The following BLTP3B variants were observed in gnomAD, a reference collection of about 807,000 sequenced individuals.
BLTP3B encodes the protein UHRF1 (ICBP90) binding protein 1-like.
the BLTP3B span, among the ~76,000 whole-genome samples, chr12:100,061,525 C>T: frequency 1.3e-5 from 2 of 151,876 alleles, no homozygotes; most frequent in Non-Finnish European, 2.9e-5. Context: ...GGCGTGGTGG[C>T]GGGCGCCTGT....
At chr12:100,096,817 A>G in the BLTP3B span, among the ~76,000 whole-genome samples, 2 of 151,752 alleles carry the variant, frequency 1.3e-5, no homozygotes, top group South Asian at 2.1e-4. Context: ...CAAGACCCCA[A>G]CTCCAAAAAT....
the BLTP3B span, among the ~76,000 whole-genome samples, chr12:100,063,647 G>A: frequency 2.6e-5 from 4 of 151,218 alleles, no homozygotes; most frequent in African/African-American, 4.9e-5. Flanking sequence ...CGAAGGTTGC[G>A]GTAAGCCTAG....
At chr12:100,124,969 TATATATA>T in the BLTP3B span, among the ~76,000 whole-genome samples, 2 of 115,816 alleles carry the variant, frequency 1.7e-5, no homozygotes, top group African/African-American at 6.7e-5. Flanking sequence ...TATATATATA[TATATATA>T]TATTTATATT....
At chr12:100,128,512 A>G in the BLTP3B span, 13 of 1,064,746 alleles carry the variant, frequency 1.2e-5, no homozygotes, top group African/African-American at 2.0e-4. Context: ...ATCTTTATGC[A>G]GGGCATATTA....
chr12:100,121,693 G>C, the BLTP3B span, among the ~76,000 whole-genome samples: 12 of 152,068 alleles, frequency 7.9e-5, no homozygotes, highest in African/African-American at 2.9e-4. Flanking sequence ...AGCGGGCGTG[G>C]TGGCGCCCGC....
At chr12:100,052,800 T>G in the BLTP3B span, among the ~76,000 whole-genome samples, 2 of 148,314 alleles carry the variant, frequency 1.3e-5, no homozygotes, top group Non-Finnish European at 3.0e-5. Flanking sequence ...GTTTTTTTTT[T>G]TTTTTTTTTT....
At chr12:100,059,473 T>A in the BLTP3B span, 1 of 1,612,718 alleles carries the variant, frequency 6.2e-7, no homozygotes, top group Admixed American at 1.7e-5. Context: ...GAACTCTGAA[T>A]AGAAATTGCA....
chr12:100,098,545 G>A, the BLTP3B span: 1 of 1,597,782 alleles, frequency 6.3e-7, no homozygotes, highest in Non-Finnish European at 8.5e-7. Flanking sequence ...GTATTCACTG[G>A]AAAAACAAAG....
At chr12:100,121,263 T>C in the BLTP3B span, among the ~76,000 whole-genome samples, 2 of 149,914 alleles carry the variant, frequency 1.3e-5, no homozygotes, top group Non-Finnish European at 3.0e-5. Context: ...GGCAGGAAAA[T>C]TACTTGAACC....
chr12:100,037,547 A>G, the BLTP3B span: 2 of 1,548,952 alleles, frequency 1.3e-6, no homozygotes, highest in South Asian at 2.5e-5. Flanking sequence ...TCATGAAAAT[A>G]AAAGTCTTCC....
the BLTP3B span, among the ~76,000 whole-genome samples, chr12:100,085,794 C>T: frequency 1.3e-5 from 2 of 151,860 alleles, no homozygotes; most frequent in South Asian, 2.1e-4. Flanking sequence ...AAGAATCTAC[C>T]AATACCAGAT....
the BLTP3B span, among the ~76,000 whole-genome samples, chr12:100,124,936 T>TTATATATATATATATATA: frequency 1.1e-3 from 63 of 56,492 alleles, no homozygotes; most frequent in East Asian, 4.4e-3. Context: ...AAAAAAAATT[T>TTATATATATATATATATA]TATATATATA....
chr12:100,040,780 A>G, the BLTP3B span, among the ~76,000 whole-genome samples: 1 of 152,222 alleles, frequency 6.6e-6, no homozygotes, highest in Non-Finnish European at 1.5e-5. Flanking sequence ...TAGCCTCAAG[A>G]AGACAATGTC....
the BLTP3B span, among the ~76,000 whole-genome samples, chr12:100,133,295 C>A: frequency 6.6e-6 from 1 of 152,030 alleles, no homozygotes; most frequent in Non-Finnish European, 1.5e-5. Context: ...AAATAAATTA[C>A]CCAGCCCCAT....
the BLTP3B span, among the ~76,000 whole-genome samples, chr12:100,093,726 A>T: frequency 6.6e-6 from 1 of 152,216 alleles, no homozygotes; most frequent in South Asian, 2.1e-4. Context: ...GAAAGAATAC[A>T]CATCAAGGTG....
chr12:100,071,347 A>G, the BLTP3B span, among the ~76,000 whole-genome samples: 1 of 151,964 alleles, frequency 6.6e-6, no homozygotes, highest in Non-Finnish European at 1.5e-5. Flanking sequence ...AAACACAAAA[A>G]TTAGCCGGGA....
the BLTP3B span, chr12:100,037,777 G>A: frequency 6.4e-7 from 1 of 1,561,190 alleles, no homozygotes; most frequent in Non-Finnish European, 8.7e-7. Context: ...AATGGCGGGG[G>A]GATAAGATAA....
the BLTP3B span, among the ~76,000 whole-genome samples, chr12:100,085,213 G>T: frequency 1.3e-5 from 2 of 151,894 alleles, no homozygotes; most frequent in Non-Finnish European, 2.9e-5. Flanking sequence ...ACATAAAAGG[G>T]TTAAGACAAT....
chr12:100,088,228 A>G, the BLTP3B span, among the ~76,000 whole-genome samples: 2 of 152,174 alleles, frequency 1.3e-5, no homozygotes, highest in African/African-American at 4.8e-5. Flanking sequence ...TCTAATGCTC[A>G]CCAAAGTTTG....
Sources: gnomAD v4.1 joint callset for allele counts (sites outside exome capture counted in the v4.1 genomes callset) on GRCh38, gnomAD v4.1.1 for gene constraint, MANE v1.5 for transcripts, NCBI Gene and HGNC (gene_info 2026-07-23, HGNC 2026-07-21) for gene names.